The following HMGCS1 variants were observed in gnomAD, a reference collection of about 807,000 sequenced individuals.
HMGCS1 encodes the protein hydroxymethylglutaryl-CoA synthase, cytoplasmic.
HMGCS1 carries 9 observed loss-of-function variants against 52.3 expected under a neutral mutation model. The ratio of observed to expected loss-of-function variants is 0.17; its 90% confidence interval spans 0.10 to 0.30. HMGCS1 has a LOEUF of 0.30. HMGCS1 is among the 10% of genes least tolerant of loss of function. HMGCS1 has a pLI of 1.00. For missense variants in HMGCS1, 320 were observed against 620.9 expected (o/e 0.52, Z 5.15); for synonymous variants, 176 against 214.4 (o/e 0.82, Z 1.57).
Position 43,297,284 on chromosome 5 carries a change from T to A in HMGCS1, c.575-118A>T, listed in dbSNP as rs1244865798. On this transcript the variant is annotated intron_variant, in intron 4 of 10. Transcript: ENST00000325110. ...AACTATCTGATCAATTCTCACCACT[T>A]ACAGTAGAGAAATCGCAAGCTGAAG... 3 of 823,258 alleles carry A rather than the reference T, an allele frequency of 3.6e-6. No individual in the cohort carries two copies. In the African/African-American group the frequency reaches 5.1e-5, roughly 14 times the overall value. 51.0% of individuals were successfully genotyped at this position (823,258 alleles called of 1,614,324 possible). A position where few individuals can be genotyped will look rare whatever the true frequency, so the allele number is the denominator to read the frequency against.
At chr5:43,303,437 C>A (rs1275746497) in intron 2 of HMGCS1, among the ~76,000 whole-genome samples, 1 of 152,236 alleles carries the variant, frequency 6.6e-6, no homozygotes, top group Admixed American at 6.5e-5. Flanking sequence ...GGAGGAGAGC[C>A]CTGATCGGGA....
chr5:43,292,902 C>T lies in HMGCS1; in HGVS notation c.1255G>A (p.Ala419Thr). Reference protein sequence around the residue: ...KSRLDSRTGVAPDVFAENMKL... With the variant: ...KSRLDSRTGVTPDVFAENMKL... ...ATGTTTTCAGCGAAGACATCTGGTG[C>T]CACACCAGTTCTTGAATCAAGCCTT... is the stretch of plus-strand genomic sequence containing the variant. Residue 419 changes from alanine to threonine, a missense_variant, in exon 9 of 11, where the codon GCA (alanine) becomes ACA (threonine). Physicochemically the swap from Ala to Thr is moderately conservative, Grantham distance 58. Coordinates refer to ENST00000325110, the MANE Select transcript of HMGCS1 (RefSeq NM_001098272.3). The T allele has an allele frequency of 6.2e-7, 1 of 1,609,868 alleles. No homozygotes were observed. The highest frequency in any genetic ancestry group is 8.5e-7 in the Non-Finnish European group (1 of 1,178,502).
chr5:43,309,295 G>A (rs1754739524), intron 1 of HMGCS1, among the ~76,000 whole-genome samples: 1 of 150,872 alleles, frequency 6.6e-6, no homozygotes. Context: ...GAATGCAGTA[G>A]CATTCCAGTC....
rs1039372434 is a variant in HMGCS1, at chr5:43,287,572, A to T, written c.*3559T>A. On this transcript the variant is annotated 3_prime_UTR_variant, in exon 11 of 11. Transcript: ENST00000325110. ...CCAATATAAGGATGGTTATTGCCAAACCCGCCACAGAAGTCTCCTCCTCTT... is the reference window on the plus strand; with the variant it reads ...CCAATATAAGGATGGTTATTGCCAATCCCGCCACAGAAGTCTCCTCCTCTT... 1 of 151,758 alleles carries T rather than the reference A, an allele frequency of 6.6e-6. No individual in the cohort carries two copies. The highest frequency in any genetic ancestry group is 6.6e-5 in the Admixed American group (1 of 15,228). The allele number at this position is 151,758 out of a possible 1,614,324, so 9.4% of individuals were successfully genotyped here. A position where few individuals can be genotyped will look rare whatever the true frequency, so the allele number is the denominator to read the frequency against.
rs1307927552 is a variant in HMGCS1, at chr5:43,289,337, T to C, written c.*1794A>G. 6.6e-6 allele frequency: 1 copy of C among 152,638 alleles called. No homozygotes were observed. The highest frequency in any genetic ancestry group is 2.4e-5 in the African/African-American group (1 of 41,460). 9.5% of individuals were successfully genotyped at this position (152,638 alleles called of 1,614,324 possible). A position where few individuals can be genotyped will look rare whatever the true frequency, so the allele number is the denominator to read the frequency against. On this transcript the variant is annotated 3_prime_UTR_variant, in exon 11 of 11. Transcript: ENST00000325110. Reference sequence around the variant, plus strand: ...AATGCCCATATTTAAAAATAGAATATTAGCTGATTTCTTGCCGAAGTTGTT... The same window carrying C: ...AATGCCCATATTTAAAAATAGAATACTAGCTGATTTCTTGCCGAAGTTGTT...
Position 43,288,226 on chromosome 5 carries a change from A to C in HMGCS1, c.*2905T>G, listed in dbSNP as rs937852157. Reference sequence around the variant, plus strand: ...TTTCTAATCATAATCTTCAGCATCAAATTACTGCCTTTATAACATAGTTTG... The same window carrying C: ...TTTCTAATCATAATCTTCAGCATCACATTACTGCCTTTATAACATAGTTTG... On this transcript the variant is annotated 3_prime_UTR_variant, in exon 11 of 11. Transcript: ENST00000325110. 6.6e-6 allele frequency: 1 copy of C among 152,214 alleles called. No homozygotes were observed. Among genetic ancestry groups the C allele is most frequent in the Non-Finnish European group, 1.5e-5 (1 of 68,042 alleles). 9.4% of individuals were successfully genotyped at this position (152,214 alleles called of 1,614,324 possible). A position where few individuals can be genotyped will look rare whatever the true frequency, so the allele number is the denominator to read the frequency against.
At position 43,298,505 on chromosome 5, in the gene HMGCS1, G is replaced by C; in HGVS notation, c.448+13C>G. 1 of 1,601,902 alleles carries C rather than the reference G, an allele frequency of 6.2e-7. No individual in the cohort carries two copies. Among genetic ancestry groups the C allele is most frequent in the South Asian group, 1.1e-5 (1 of 90,298 alleles). On this transcript the variant is annotated intron_variant, in intron 3 of 10. Transcript: ENST00000325110. The surrounding 1 kb of genome is among the most constrained non-coding windows in gnomAD (Gnocchi z 5.6). ...AATTTTGGGGGACGGCGGGGAATAG[G>C]CATGTAACATACCATCCCAAGAGCT...
intron 2 of HMGCS1, among the ~76,000 whole-genome samples, chr5:43,303,416 C>T (rs1262478592): frequency 6.6e-6 from 1 of 152,232 alleles, no homozygotes; most frequent in African/African-American, 2.4e-5. Flanking sequence ...TGTGAGGACA[C>T]GGGCAATCCA....
rs150826961 is a variant in HMGCS1, at chr5:43,292,888, G to A, written c.1269C>T (p.Phe423=). Residue 423 remains phenylalanine, a synonymous_variant, in exon 9 of 11, where the codon TTC becomes TTT. Coordinates refer to ENST00000325110, the MANE Select transcript of HMGCS1 (RefSeq NM_001098272.3). ...DSRTGVAPDV[F]AENMKLREDT... ...CCTCTCTGAGCTTCATGTTTTCAGC[G>A]AAGACATCTGGTGCCACACCAGTTC... 2.4e-5 allele frequency: 38 copies of A among 1,610,316 alleles called. No homozygotes were observed. Among genetic ancestry groups the A allele is most frequent in the Admixed American group, 6.8e-5 (4 of 59,154 alleles).
At chr5:43,294,299 A>C (rs988998627) in intron 7 of HMGCS1, 137 bp from the exon 8 acceptor site, 2 of 624,530 alleles carry the variant, frequency 3.2e-6, no homozygotes, top group African/African-American at 3.7e-5. Flanking sequence ...GATCTAACTC[A>C]AAGTGTTAAT....
intron 1 of HMGCS1, among the ~76,000 whole-genome samples, chr5:43,308,545 T>TA (rs1245933062): frequency 6.6e-6 from 1 of 152,224 alleles, no homozygotes; most frequent in Non-Finnish European, 1.5e-5. Context: ...CTGCTTATGT[T>TA]AAAAAATTAA....
intron 4 of HMGCS1, among the ~76,000 whole-genome samples, chr5:43,297,717 C>T (rs6898398): frequency 0.62 from 94,171 of 151,620 alleles, 31,257 homozygotes; most frequent in African/African-American, 0.86. Context: ...TGTGTGCCTG[C>T]AATCCCAGCT....
rs1313673973 is a variant in HMGCS1, at chr5:43,289,607, C to A, written c.*1524G>T. The A allele has an allele frequency of 1.3e-5, 2 of 152,518 alleles. No homozygotes were observed. The highest frequency in any genetic ancestry group is 6.6e-5 in the Admixed American group (1 of 15,264). 9.4% of individuals were successfully genotyped at this position (152,518 alleles called of 1,614,324 possible). On this transcript the variant is annotated 3_prime_UTR_variant, in exon 11 of 11. Coordinates refer to ENST00000325110, the MANE Select transcript of HMGCS1 (RefSeq NM_001098272.3). The stretch of plus-strand genomic sequence containing the variant: ...CAAAAGTATTACATGCACCATTTTG[C>A]CACCATTCTTTAAATCAGAACTTAC...
chr5:43,303,192 C>G lies in HMGCS1; in HGVS notation c.-10-4217G>C, dbSNP rs990710825. On this transcript the variant is annotated intron_variant, in intron 2 of 10. Coordinates refer to ENST00000325110, the MANE Select transcript of HMGCS1 (RefSeq NM_001098272.3). ...TTCAACTGTGTTACTTCCCAAATAT[C>G]TGCCTGAATTATGGATTGAAATGTC... 2.0e-5 allele frequency among the ~76,000 whole-genome samples: 3 copies of G among 152,330 alleles called. No homozygotes were observed. In the South Asian group the frequency reaches 6.2e-4, roughly 32 times the overall value.
chr5:43,292,375 A>C, intron 10 of HMGCS1, 99 bp downstream of exon 10: 1 of 445,174 alleles, frequency 2.2e-6, no homozygotes, highest in Non-Finnish European at 3.7e-6. Flanking sequence ...ATCTACTCCC[A>C]GAGCCCTTAC....
In HMGCS1 at chr5:43,294,104, A is replaced by G; in HGVS notation, c.1135T>C (p.Leu379=). The G allele has an allele frequency of 6.2e-7, 1 of 1,613,624 alleles. No homozygotes were observed. The highest frequency in any genetic ancestry group is 8.5e-7 in the Non-Finnish European group (1 of 1,179,576). Residue 379 remains leucine (L), a synonymous_variant, in exon 8 of 11, where the codon TTG becomes CTG. Transcript: ENST00000325110. ...TTAAGAGAGTACAGAGTGGCAGCCA[A>G]ACCAGAACCATAAGAAAACACTCCA... is the stretch of plus-strand genomic sequence containing the variant. ...RIGVFSYGSG[L]AATLYSLKVT...
intron 2 of HMGCS1, among the ~76,000 whole-genome samples, chr5:43,304,842 G>C (rs573710920): frequency 1.3e-5 from 2 of 152,076 alleles, no homozygotes; most frequent in African/African-American, 4.8e-5. Flanking sequence ...TTATGTTCTT[G>C]GTAAAAAGCC....
chr5:43,308,418 T>C (rs1417177444), intron 1 of HMGCS1, among the ~76,000 whole-genome samples: 1 of 151,324 alleles, frequency 6.6e-6, no homozygotes, highest in Non-Finnish European at 1.5e-5. Context: ...TTAGTTCTTA[T>C]AGTTCTTATA....
At chr5:43,301,440 A>C (rs1754312273) in intron 2 of HMGCS1, among the ~76,000 whole-genome samples, 1 of 152,232 alleles carries the variant, frequency 6.6e-6, no homozygotes, top group South Asian at 2.1e-4. Context: ...CAACTCCGGA[A>C]TCAATTTAGT....
Sources: gnomAD v4.1 joint callset for allele counts (sites outside exome capture counted in the v4.1 genomes callset) on GRCh38, gnomAD v4.1.1 for gene constraint, Gnocchi (gnomAD v3.1) non-coding constraint, MANE v1.5 for transcripts, NCBI Gene and HGNC (gene_info 2026-07-23, HGNC 2026-07-21) for gene names.